Variants in SHROOM4 observed in about 807,000 individuals in gnomAD.
SHROOM4 encodes protein Shroom4.
In SHROOM4, 17 loss-of-function variants were observed where a neutral mutation model predicts 80.3. The ratio of observed to expected loss-of-function variants is 0.21; its 90% CI spans 0.14 to 0.32. The LOEUF is 0.32. Among genes scored for constraint, SHROOM4 ranks in the 10% least tolerant of loss-of-function variants. The pLI, the probability that SHROOM4 is intolerant of heterozygous loss-of-function variation, is 1.00. For synonymous variants in SHROOM4, 400 were observed against 437.5 expected, an observed-to-expected ratio of 0.91 and a Z score of 1.07; for missense variants, 993 against 1,140.3, an observed-to-expected ratio of 0.87 and a Z score of 1.86.
chrX:50,618,350 T>A (rs1193391438), intron 5 of SHROOM4, among the ~76,000 whole-genome samples: 8 of 13,751 alleles, frequency 5.8e-4, no homozygotes, highest in African/African-American at 2.7e-3. Flanking sequence ...CTTCCTTCCT[T>A]CCTTCCTTCC....
intron 1 of SHROOM4, among the ~76,000 whole-genome samples, chrX:50,801,554 G>A (rs1409847779): frequency 9.0e-6 from 1 of 111,685 alleles, no homozygotes; most frequent in Non-Finnish European, 1.9e-5. Flanking sequence ...GAAGGGCTAA[G>A]AGCCAAAACC....
At chrX:50,637,191 C>A (rs1344276120) in intron 3 of SHROOM4, among the ~76,000 whole-genome samples, 1 of 111,728 alleles carries the variant, frequency 9.0e-6, no homozygotes, top group African/African-American at 3.3e-5. Context: ...CCAGTAACTC[C>A]CTTTGACTAG....
At chrX:50,674,768 A>G (rs1479171951) in intron 2 of SHROOM4, among the ~76,000 whole-genome samples, 1 of 112,117 alleles carries the variant, frequency 8.9e-6, no homozygotes, top group Non-Finnish European at 1.9e-5. Flanking sequence ...TCATTCCTTC[A>G]TTAATTGTTA....
At position 50,814,056 on chromosome X, in the gene SHROOM4, G is replaced by C; in HGVS notation, c.-38C>G. 1 of 1,035,464 alleles carries C rather than the reference G, an allele frequency of 9.7e-7. No individual in the cohort carries two copies. Among genetic ancestry groups the C allele is most frequent in the Non-Finnish European group, 1.4e-6 (1 of 740,186 alleles). The allele number at this position is 1,035,464 out of a possible 1,213,427, so 85.3% of individuals were successfully genotyped here. A position where few individuals can be genotyped will look rare whatever the true frequency, so the allele number is the denominator to read the frequency against. ...TCAGGCGCCGCCGGGCTCCTTTTCC[G>C]AGGGGGCTACGTTGCCTCCGCCCCC... On this transcript the variant is annotated 5_prime_UTR_variant, in exon 1 of 9. Coordinates refer to ENST00000376020, the MANE Select transcript of SHROOM4 (RefSeq NM_020717.5).
intron 1 of SHROOM4, among the ~76,000 whole-genome samples, chrX:50,710,804 C>T (rs1356941615): frequency 8.9e-6 from 1 of 111,854 alleles, no homozygotes; most frequent in African/African-American, 3.3e-5. Flanking sequence ...CTCAGCCTGT[C>T]TGCTTTGATA....
intron 1 of SHROOM4, among the ~76,000 whole-genome samples, chrX:50,735,746 G>A (rs933380633): frequency 5.4e-5 from 6 of 111,608 alleles, no homozygotes; most frequent in Non-Finnish European, 7.5e-5. Context: ...AGTGGCTCAC[G>A]CCTGTAATCC....
intron 2 of SHROOM4, among the ~76,000 whole-genome samples, chrX:50,667,650 T>A (rs997718745): frequency 7.2e-5 from 8 of 111,677 alleles, no homozygotes; most frequent in African/African-American, 2.6e-4. Flanking sequence ...ATCTAGAACA[T>A]GAAAAGAAAT....
chrX:50,751,192 C>A (rs1450564824), intron 1 of SHROOM4, among the ~76,000 whole-genome samples: 1 of 111,980 alleles, frequency 8.9e-6, no homozygotes, highest in Non-Finnish European at 1.9e-5. Context: ...GGAGTCTATG[C>A]CAAAGAGAGT....
At chrX:50,732,144 T>C (rs1198843944) in intron 1 of SHROOM4, among the ~76,000 whole-genome samples, 1 of 110,680 alleles carries the variant, frequency 9.0e-6, no homozygotes, top group Non-Finnish European at 1.9e-5. Context: ...ACTTAACAGC[T>C]GGGTGTGGCC....
intron 1 of SHROOM4, among the ~76,000 whole-genome samples, chrX:50,771,922 G>A (rs1447587778): frequency 1.8e-5 from 2 of 111,560 alleles, no homozygotes; most frequent in East Asian, 2.8e-4. Context: ...AAGTGATTCT[G>A]TAGATCTGAA....
intron 1 of SHROOM4, among the ~76,000 whole-genome samples, chrX:50,766,228 CT>C (rs1183988195): frequency 1.8e-5 from 2 of 111,263 alleles, no homozygotes; most frequent in Non-Finnish European, 3.8e-5. Context: ...TGCTTCTAAC[CT>C]TTTTAATGAT....
intron 2 of SHROOM4, among the ~76,000 whole-genome samples, chrX:50,667,082 G>A (rs1489126684): frequency 1.3e-4 from 14 of 111,527 alleles, no homozygotes; most frequent in Admixed American, 1.1e-3. Context: ...ATGCACTCTT[G>A]TTAGATTGGA....
At position 50,587,417 on chromosome X, in the gene SHROOM4, G is replaced by A. The variant is rs782784703; in HGVS notation, c.*9278C>T. On this transcript the variant is annotated 3_prime_UTR_variant, in exon 9 of 9. Transcript: ENST00000376020. ...CCAAAGGAAATGAAATCAGTATCTC[G>A]AAGAGATATCTGCACTCTCATGTTC... Among the ~76,000 whole-genome samples, 7 of 111,955 alleles carry A rather than the reference G, an allele frequency of 6.3e-5. No homozygotes were observed. In the East Asian group the frequency reaches 1.4e-3, roughly 22 times the overall value.
intron 2 of SHROOM4, among the ~76,000 whole-genome samples, chrX:50,653,507 G>C (rs1273841622): frequency 4.5e-5 from 5 of 111,919 alleles, no homozygotes; most frequent in African/African-American, 1.6e-4. Context: ...CATGTCATCA[G>C]CAAACAGAGA....
chrX:50,743,083 C>T (rs1418133044), intron 1 of SHROOM4, among the ~76,000 whole-genome samples: 1 of 102,769 alleles, frequency 9.7e-6, no homozygotes. Flanking sequence ...ACTCCAGTGT[C>T]CTTTTGACAT....
intron 3 of SHROOM4, 32 bp from the exon 4 acceptor site, chrX:50,635,700 C>A (rs782507561): frequency 8.5e-7 from 1 of 1,179,703 alleles, no homozygotes; most frequent in East Asian, 3.0e-5. Flanking sequence ...GGTTAGTTAG[C>A]GAAGTCATGG....
chrX:50,802,457 A>C (rs1455217986), intron 1 of SHROOM4, among the ~76,000 whole-genome samples: 1 of 111,607 alleles, frequency 9.0e-6, no homozygotes, highest in Non-Finnish European at 1.9e-5. Context: ...AATCTCTCAG[A>C]GCCTTCTAGA....
At chrX:50,811,836 A>T (rs1231485347) in intron 1 of SHROOM4, among the ~76,000 whole-genome samples, 1 of 110,991 alleles carries the variant, frequency 9.0e-6, no homozygotes, top group African/African-American at 3.3e-5. Context: ...GCCTTCATAT[A>T]ATAGGGGTCA....
chrX:50,719,882 T>C (rs1464738462), intron 1 of SHROOM4, among the ~76,000 whole-genome samples: 1 of 112,391 alleles, frequency 8.9e-6, no homozygotes, highest in Non-Finnish European at 1.9e-5. Flanking sequence ...TACATTCCAG[T>C]AGGAATTGAA....
Sources: allele counts gnomAD v4.1 joint callset (sites outside exome capture counted in the v4.1 genomes callset), GRCh38; gene constraint gnomAD v4.1.1; transcripts MANE v1.5; gene names NCBI Gene and HGNC (gene_info 2026-07-23, HGNC 2026-07-21).